Variants in NPL observed in about 807,000 individuals in gnomAD.
The protein encoded by NPL is N-acetylneuraminate lyase.
A neutral mutation model predicts 41.1 loss-of-function variants in NPL; 32 were observed. The observed-to-expected ratio is 0.78, with a 90% CI of 0.59 to 1.05. The LOEUF is 1.05. NPL is among the 50% of genes least tolerant of loss of function. NPL has a pLI of 0.00. For missense variants in NPL, 321 were observed against 378.4 expected (o/e 0.85, Z 1.26); for synonymous variants, 128 against 134.9 (o/e 0.95, Z 0.35).
At chr1:182,827,367 G>A (rs1347287483) in intron 12 of NPL, among the ~76,000 whole-genome samples, 1 of 152,122 alleles carries the variant, frequency 6.6e-6, no homozygotes, top group East Asian at 1.9e-4. Flanking sequence ...CAATCTGAAG[G>A]CTTTGTCTTT....
In NPL at chr1:182,812,222, G is replaced by A; in HGVS notation, c.288+9G>A. ...AGGAGTCACAGGAACTGGTATGTATGCAGTTCCATCTGGGAGAGACCATTC... is the reference window on the plus strand; with the variant it reads ...AGGAGTCACAGGAACTGGTATGTATACAGTTCCATCTGGGAGAGACCATTC... On this transcript the variant is annotated intron_variant, in intron 6 of 12. Transcript: ENST00000367553. The A allele has an allele frequency of 6.2e-7, 1 of 1,610,438 alleles. No individual in the cohort carries two copies. Among genetic ancestry groups the A allele is most frequent in the Non-Finnish European group, 8.5e-7 (1 of 1,176,642 alleles).
At chr1:182,821,858 A>G (rs1245125034) in intron 10 of NPL, among the ~76,000 whole-genome samples, 1 of 151,432 alleles carries the variant, frequency 6.6e-6, no homozygotes, top group Non-Finnish European at 1.5e-5. Flanking sequence ...TAACAAATAC[A>G]CCTCCATCTT....
intron 3 of NPL, among the ~76,000 whole-genome samples, chr1:182,801,825 A>G (rs1666855900): frequency 6.6e-6 from 1 of 152,088 alleles, no homozygotes; most frequent in Admixed American, 6.6e-5. Context: ...CGACAGAGTG[A>G]GACCTTGTCT....
chr1:182,790,791 C>T (rs927638929), intron 1 of NPL, among the ~76,000 whole-genome samples: 19 of 152,144 alleles, frequency 1.2e-4, no homozygotes, highest in African/African-American at 4.6e-4. Flanking sequence ...CTACAGGCTC[C>T]CGCCACCACG....
At chr1:182,816,636 C>T (rs1667339207) in intron 7 of NPL, 78 bp from the exon 8 acceptor site, 2 of 993,172 alleles carry the variant, frequency 2.0e-6, no homozygotes, top group Non-Finnish European at 3.2e-6. Flanking sequence ...TGTGTTTCAT[C>T]AGATGATTCT....
intron 5 of NPL, chr1:182,806,476 T>G (rs1452461170): frequency 1.3e-6 from 2 of 1,536,260 alleles, no homozygotes; most frequent in Non-Finnish European, 8.7e-7. Context: ...GGGAAACTGC[T>G]TCTTACCTGT....
At chr1:182,820,626 T>A (rs896590113) in intron 10 of NPL, among the ~76,000 whole-genome samples, 1 of 152,186 alleles carries the variant, frequency 6.6e-6, no homozygotes, top group Admixed American at 6.5e-5. Context: ...AAGGAAACTT[T>A]CAATCATGGC....
chr1:182,822,346 G>A, intron 11 of NPL, 147 bp downstream of exon 11: 1 of 696,260 alleles, frequency 1.4e-6, no homozygotes, highest in South Asian at 1.6e-5. Flanking sequence ...ACTTTTTCTT[G>A]TTTAAAACCA....
At chr1:182,816,166 G>T (rs1667325726) in intron 7 of NPL, among the ~76,000 whole-genome samples, 1 of 152,220 alleles carries the variant, frequency 6.6e-6, no homozygotes, top group Non-Finnish European at 1.5e-5. Flanking sequence ...CACTTACTCA[G>T]CAAACCAGAG....
Position 182,818,653 on chromosome 1 carries a change from C to T in NPL, c.570C>T (p.Arg190=). ...TCGGGCAATGTGTTGATCAGAATCG[C>T]CAGCAACAGTTTGCTTTCCTTTTTG... ...LDFGQCVDQN[R]QQQFAFLFGV... Residue 190 remains arginine, a synonymous_variant, in exon 9 of 13, where the codon CGC becomes CGT. Transcript: ENST00000367553. 4 of 1,614,184 alleles carry T rather than the reference C, an allele frequency of 2.5e-6. No individual in the cohort carries two copies. Among genetic ancestry groups the T allele is most frequent in the Non-Finnish European group, 3.4e-6 (4 of 1,180,030 alleles).
At chr1:182,823,519 T>A (rs1197242063) in intron 11 of NPL, among the ~76,000 whole-genome samples, 3 of 152,146 alleles carry the variant, frequency 2.0e-5, no homozygotes, top group Non-Finnish European at 4.4e-5. Context: ...AGGGTAGGGA[T>A]CTAGGAAGCT....
At chr1:182,794,024 G>A (rs895743870) in intron 2 of NPL, among the ~76,000 whole-genome samples, 1 of 152,170 alleles carries the variant, frequency 6.6e-6, no homozygotes, top group Admixed American at 6.5e-5. Flanking sequence ...ATAATTCACT[G>A]TATGTTTTAC....
At chr1:182,826,466 T>G (rs1031937820) in intron 12 of NPL, 2 of 153,334 alleles carry the variant, frequency 1.3e-5, no homozygotes, top group African/African-American at 4.8e-5. Context: ...TTATTTTTGG[T>G]AGACCTCCCT....
Position 182,825,761 on chromosome 1 carries a change from G to C in NPL, c.739-20G>C, listed in dbSNP as rs753559777. 3.5e-6 allele frequency: 5 copies of C among 1,441,804 alleles called. No homozygotes were observed. The highest frequency in any genetic ancestry group is 1.9e-6 in the Non-Finnish European group (2 of 1,039,592). 89.3% of individuals were successfully genotyped at this position (1,441,804 alleles called of 1,614,324 possible). ...ACACAGTTCAATAATACTAACTATA[G>C]ATATGTTGTTCTTTTCTAGTTTTGT... On this transcript the variant is annotated intron_variant, in intron 11 of 12. Transcript: ENST00000367553.
intron 1 of NPL, among the ~76,000 whole-genome samples, chr1:182,790,619 G>GTT (rs1666477849): frequency 1.8e-5 from 2 of 108,206 alleles, no homozygotes; most frequent in South Asian, 6.8e-4. Flanking sequence ...GTCTTTTGTT[G>GTT]TTGTTGTTGT....
chr1:182,816,028 C>A (rs12078056), intron 7 of NPL, among the ~76,000 whole-genome samples: 1 of 152,164 alleles, frequency 6.6e-6, no homozygotes. Context: ...GAATACACAT[C>A]GTAACAGTAT....
At chr1:182,796,904 G>A (rs114535094) in intron 3 of NPL, among the ~76,000 whole-genome samples, 8,299 of 152,010 alleles carry the variant, frequency 0.055, 307 homozygotes, top group African/African-American at 0.11. Flanking sequence ...GCGTGGTGGC[G>A]CACACCTGTA....
At chr1:182,806,574 T>C in intron 5 of NPL, 1 of 1,530,748 alleles carries the variant, frequency 6.5e-7, no homozygotes. Flanking sequence ...GTCACTTGGC[T>C]CTTCCACTGA....
At chr1:182,807,692 GGA>G (rs1553233749) in intron 5 of NPL, among the ~76,000 whole-genome samples, 1 of 144,518 alleles carries the variant, frequency 6.9e-6, no homozygotes, top group Non-Finnish European at 1.5e-5. Flanking sequence ...CTGGCTAACA[GGA>G]TGAAACCCCG....
Sources: gnomAD v4.1 joint callset for allele counts (sites outside exome capture counted in the v4.1 genomes callset) on GRCh38, gnomAD v4.1.1 for gene constraint, MANE v1.5 for transcripts, NCBI Gene and HGNC (gene_info 2026-07-23, HGNC 2026-07-21) for gene names.